Variants in KCTD14 observed in about 807,000 individuals in gnomAD.
KCTD14 encodes BTB/POZ domain-containing protein KCTD14.
KCTD14 carries 7 observed loss-of-function variants against 5.9 expected under a neutral mutation model. The observed-to-expected ratio is 1.19, with a 90% CI of 0.68 to 2.23. The LOEUF (loss-of-function observed/expected upper bound fraction) is 2.23. KCTD14 is among the 30% of genes most tolerant of loss of function. KCTD14 has a pLI of 0.00. For missense variants in KCTD14, 342 were observed against 332.2 expected (o/e 1.03, Z -0.23); for synonymous variants, 140 against 133.1 (o/e 1.05, Z -0.36).
chr11:78,016,829 G>T lies in KCTD14; in HGVS notation c.532C>A (p.Gln178Lys). Residue 178 changes from glutamine to lysine, a missense_variant, in exon 2 of 2, where the codon CAG (glutamine) becomes AAG (lysine). Physicochemically the swap from Gln to Lys is moderately conservative, Grantham distance 53. Coordinates refer to ENST00000353172, the MANE Select transcript of KCTD14 (RefSeq NM_023930.4). ...VLVCLVETEE[Q>K]DAYYSEVLCF... is the part of the protein sequence containing the mutation. ...AGGACCTCTGAATAATATGCATCCTGCTCCTCAGTTTCCACCAGGCACACA... is the reference window on the plus strand; with the variant it reads ...AGGACCTCTGAATAATATGCATCCTTCTCCTCAGTTTCCACCAGGCACACA... The T allele has an allele frequency of 6.2e-7, 1 of 1,614,182 alleles. No homozygotes were observed. Among genetic ancestry groups the T allele is most frequent in the Non-Finnish European group, 8.5e-7 (1 of 1,180,000 alleles).
In KCTD14 at chr11:78,017,100, T is replaced by A. The variant is rs746060738; in HGVS notation, c.261A>T (p.Arg87Ser). The A allele has an allele frequency of 2.2e-5, 35 of 1,613,982 alleles. No homozygotes were observed. The highest frequency in any genetic ancestry group is 2.9e-5 in the Non-Finnish European group (34 of 1,180,008). ...FFIDRPSTYF[R>S]PILDYLRTGQ... ...CAGTGCGCAGGTAGTCCAGGATGGG[T>A]CTGAAATAGGTGCTGGGGCGGTCGA... Residue 87 changes from arginine to serine, a missense_variant, in exon 2 of 2, where the codon AGA (arginine) becomes AGT (serine). Transcript: ENST00000353172.
upstream of KCTD14, chr11:78,023,619 C>T (rs199891467): frequency 3.0e-4 from 60 of 200,972 alleles, no homozygotes; most frequent in East Asian, 7.5e-3. Context: ...CTCAAGTGAT[C>T]CTCCCACCTC....
intron 2 of KCTD14, among the ~76,000 whole-genome samples, chr11:78,033,169 C>T (rs1857677974): frequency 1.3e-5 from 2 of 152,160 alleles, no homozygotes; most frequent in South Asian, 4.1e-4. Context: ...GTACCATTTC[C>T]ATTCTTAGGA....
chr11:78,043,639 C>G (rs942215396), intron 1 of KCTD14, among the ~76,000 whole-genome samples: 12 of 152,238 alleles, frequency 7.9e-5, no homozygotes, highest in African/African-American at 2.6e-4. Flanking sequence ...GGAAGGCCTC[C>G]TGGAGCAGGT....
chr11:78,023,459 A>T (rs1055370358), upstream of KCTD14: 4 of 544,878 alleles, frequency 7.3e-6, no homozygotes, highest in South Asian at 2.3e-5. Flanking sequence ...AATGGAGCAG[A>T]CCCCTTAAGG....
upstream of KCTD14, among the ~76,000 whole-genome samples, chr11:78,027,433 G>A (rs577489077): frequency 1.4e-4 from 9 of 65,908 alleles, no homozygotes; most frequent in East Asian, 2.7e-3. Context: ...TGCAACCTCA[G>A]CTCACTACAA....
At chr11:78,040,207 C>T (rs780427882) in intron 1 of KCTD14, among the ~76,000 whole-genome samples, 5 of 152,326 alleles carry the variant, frequency 3.3e-5, no homozygotes, top group South Asian at 4.1e-4. Flanking sequence ...CCCCGTTTCC[C>T]GTGTCATGTC....
chr11:78,026,387 G>A (rs1036966494), upstream of KCTD14, among the ~76,000 whole-genome samples: 11 of 151,982 alleles, frequency 7.2e-5, no homozygotes, highest in South Asian at 2.1e-4. Flanking sequence ...AGGTTGCAGC[G>A]AGCTGAGATC....
At chr11:78,042,262 C>A (rs58187628) in intron 1 of KCTD14, among the ~76,000 whole-genome samples, 12,776 of 152,236 alleles carry the variant, frequency 0.084, 1,789 homozygotes, top group African/African-American at 0.29. Flanking sequence ...AATCCCAGCA[C>A]TTTGGGAGGC....
At chr11:78,044,895 T>C (rs1858092630) in intron 1 of KCTD14, among the ~76,000 whole-genome samples, 1 of 152,166 alleles carries the variant, frequency 6.6e-6, no homozygotes, top group African/African-American at 2.4e-5. Flanking sequence ...CCTCCCTTGA[T>C]ATTTCCTTGG....
Position 78,016,728 on chromosome 11 carries a change from G to A in KCTD14, c.633C>T (p.Ser211=), listed in dbSNP as rs1263058572. Residue 211 remains serine, a synonymous_variant, in exon 2 of 2, where the codon AGC becomes AGT. Coordinates refer to ENST00000353172, the MANE Select transcript of KCTD14 (RefSeq NM_023930.4). ...CCATCTCCAGGCAGTGCATGAGGTCGCTGTTGTCTAGGACCGCCTTCCAGG... is the reference window on the plus strand; with the variant it reads ...CCATCTCCAGGCAGTGCATGAGGTCACTGTTGTCTAGGACCGCCTTCCAGG... ...FGPWKAVLDN[S]DLMHCLEMDI... The A allele has an allele frequency of 5.6e-6, 9 of 1,614,064 alleles. No homozygotes were observed. Among genetic ancestry groups the A allele is most frequent in the African/African-American group, 5.3e-5 (4 of 74,934 alleles).
chr11:78,020,465 T>C (rs996238641), intron 1 of KCTD14, among the ~76,000 whole-genome samples: 2 of 152,248 alleles, frequency 1.3e-5, no homozygotes, highest in African/African-American at 4.8e-5. Context: ...AGGACGCATC[T>C]TGACAGCAGC....
At chr11:78,034,688 A>G (rs4433592) in intron 2 of KCTD14, among the ~76,000 whole-genome samples, 67,681 of 151,656 alleles carry the variant, frequency 0.45, 15,699 homozygotes, top group African/African-American at 0.58. Context: ...GTGGGAACGG[A>G]CAGCCCACGT....
chr11:78,020,401 A>C (rs1255979299), intron 1 of KCTD14, among the ~76,000 whole-genome samples: 1 of 152,180 alleles, frequency 6.6e-6, no homozygotes, highest in Non-Finnish European at 1.5e-5. Flanking sequence ...TTGCCATGAC[A>C]ACATCTCCTA....
At chr11:78,029,245 G>C (rs1429389186) in intron 2 of KCTD14, among the ~76,000 whole-genome samples, 1 of 151,404 alleles carries the variant, frequency 6.6e-6, no homozygotes, top group Non-Finnish European at 1.5e-5. Flanking sequence ...GGACGGCTTA[G>C]AAATCCTGAA....
chr11:78,035,390 C>T (rs1293438443), intron 2 of KCTD14, among the ~76,000 whole-genome samples: 1 of 152,092 alleles, frequency 6.6e-6, no homozygotes, highest in Non-Finnish European at 1.5e-5. Flanking sequence ...ACATTGGCTG[C>T]ATCCCTCTTC....
At chr11:78,036,689 A>G (rs1857811323) in intron 2 of KCTD14, among the ~76,000 whole-genome samples, 1 of 152,214 alleles carries the variant, frequency 6.6e-6, no homozygotes, top group African/African-American at 2.4e-5. Flanking sequence ...GAAGGCTGTC[A>G]TCAATGATTC....
intron 1 of KCTD14, among the ~76,000 whole-genome samples, chr11:78,045,222 G>C (rs527485255): frequency 1.3e-5 from 2 of 152,044 alleles, no homozygotes; most frequent in Non-Finnish European, 2.9e-5. Flanking sequence ...TCTTGCCTCC[G>C]CCCTCAAGTA....
intron 2 of KCTD14, among the ~76,000 whole-genome samples, chr11:78,030,133 C>T (rs1465397726): frequency 6.6e-6 from 1 of 152,140 alleles, no homozygotes; most frequent in East Asian, 1.9e-4. Context: ...GTCTCCATTC[C>T]TGGACAGGAA....
Sources: gnomAD v4.1 joint callset for allele counts (sites outside exome capture counted in the v4.1 genomes callset) on GRCh38, gnomAD v4.1.1 for gene constraint, MANE v1.5 for transcripts, NCBI Gene and HGNC (gene_info 2026-07-23, HGNC 2026-07-21) for gene names.